The following LRRC37A2 variants were observed in gnomAD, a reference collection of about 807,000 sequenced individuals.
LRRC37A2 encodes leucine rich repeat containing 37 member A2, also known as leucine-rich repeat-containing protein 37A2.
Under a neutral mutation model 68.8 loss-of-function variants are expected in LRRC37A2, and 9 were observed. The ratio of observed to expected loss-of-function variants is 0.13; its 90% CI spans 0.08 to 0.23. The LOEUF is 0.23. LRRC37A2 is among the 10% of genes least tolerant of loss of function. LRRC37A2 has a pLI of 1.00. For synonymous variants in LRRC37A2, 63 were observed against 367.6 expected, an observed-to-expected ratio of 0.17 and a Z score of 9.48; for missense variants, 168 against 950.4, an observed-to-expected ratio of 0.18 and a Z score of 10.82.
the LRRC37A2 span, among the ~76,000 whole-genome samples, chr17:46,785,420 AGG>A: frequency 8.5e-5 from 13 of 152,214 alleles, no homozygotes; most frequent in Non-Finnish European, 1.6e-4. Flanking sequence ...TCCACGCCAT[AGG>A]AGAAAAACCC....
chr17:46,494,466 G>A, the LRRC37A2 span, among the ~76,000 whole-genome samples: 1 of 149,240 alleles, frequency 6.7e-6, no homozygotes, highest in Admixed American at 6.7e-5. Flanking sequence ...AGCAGTCATA[G>A]ACAATATGTA....
the LRRC37A2 span, among the ~76,000 whole-genome samples, chr17:46,721,119 G>A: frequency 6.6e-6 from 1 of 152,138 alleles, no homozygotes; most frequent in African/African-American, 2.4e-5. Context: ...CGCTTCTCCT[G>A]TCCCTCAGTG....
chr17:46,871,701 A>T, the LRRC37A2 span, among the ~76,000 whole-genome samples: 1 of 152,212 alleles, frequency 6.6e-6, no homozygotes, highest in South Asian at 2.1e-4. Context: ...CTAGAACATC[A>T]GCCTTAGAAT....
the LRRC37A2 span, chr17:46,933,286 A>C: frequency 6.6e-6 from 1 of 152,200 alleles, no homozygotes; most frequent in African/African-American, 2.4e-5. Flanking sequence ...TGGTCATTCT[A>C]CCATATGGAG....
chr17:46,885,468 A>T, the LRRC37A2 span: 1 of 151,800 alleles, frequency 6.6e-6, no homozygotes, highest in African/African-American at 2.5e-5. Flanking sequence ...ACGCTCAGCT[A>T]ATTTTTGTAT....
chr17:46,837,195 C>T, the LRRC37A2 span, among the ~76,000 whole-genome samples: 3 of 152,062 alleles, frequency 2.0e-5, no homozygotes, highest in Non-Finnish European at 4.4e-5. Context: ...CCCGCCGCGG[C>T]CCCCCAAAGT....
intron 6 of LRRC37A2, among the ~76,000 whole-genome samples, chr17:46,526,196 AAT>A (rs2052738770): frequency 9.1e-6 from 1 of 110,492 alleles, no homozygotes; most frequent in Non-Finnish European, 2.0e-5. Context: ...TTTGGAGTCA[AAT>A]CTTCCTGGTA....
At chr17:46,767,419 T>C in the LRRC37A2 span, among the ~76,000 whole-genome samples, 1 of 152,084 alleles carries the variant, frequency 6.6e-6, no homozygotes, top group Non-Finnish European at 1.5e-5. Flanking sequence ...GTTGGTACGA[T>C]TTATGCTTGT....
exon 10 of LRRC37A2, chr17:46,548,936 C>G (rs780524421): frequency 6.2e-7 from 1 of 1,612,422 alleles, no homozygotes; most frequent in Non-Finnish European, 8.5e-7. Context: ...AAAGCCCTAC[C>G]ACAGGTGAGA....
chr17:46,751,194 C>T, the LRRC37A2 span, among the ~76,000 whole-genome samples: 1 of 152,076 alleles, frequency 6.6e-6, no homozygotes, highest in Non-Finnish European at 1.5e-5. Flanking sequence ...CAGATTGTTC[C>T]TAGAAAAGAA....
chr17:47,033,786 G>A, the LRRC37A2 span, among the ~76,000 whole-genome samples: 1 of 152,306 alleles, frequency 6.6e-6, no homozygotes, highest in East Asian at 1.9e-4. Context: ...CTGTCCCATT[G>A]TTCTACAGCA....
the LRRC37A2 span, among the ~76,000 whole-genome samples, chr17:46,922,492 TAATAA>T: frequency 3.9e-5 from 6 of 152,204 alleles, no homozygotes; most frequent in Admixed American, 1.3e-4. Context: ...TAATAAAAAA[TAATAA>T]AATAAAGAAA....
At chr17:46,743,036 G>A in the LRRC37A2 span, among the ~76,000 whole-genome samples, 1 of 152,090 alleles carries the variant, frequency 6.6e-6, no homozygotes, top group Admixed American at 6.5e-5. Flanking sequence ...GAGGCCCCAC[G>A]CTGCCATGAG....
the LRRC37A2 span, among the ~76,000 whole-genome samples, chr17:46,894,696 T>C: frequency 6.6e-6 from 1 of 152,180 alleles, no homozygotes; most frequent in South Asian, 2.1e-4. Context: ...GCCCCCCTCC[T>C]GTGGAATGAC....
At chr17:46,406,028 T>C in the LRRC37A2 span, among the ~76,000 whole-genome samples, 2 of 117,604 alleles carry the variant, frequency 1.7e-5, no homozygotes, top group Admixed American at 8.6e-5. Context: ...GGATCTCTTA[T>C]AAAAAGATAC....
At chr17:47,036,879 G>T in the LRRC37A2 span, among the ~76,000 whole-genome samples, 2 of 137,194 alleles carry the variant, frequency 1.5e-5, no homozygotes, top group African/African-American at 2.7e-5. Flanking sequence ...AAGCCAGCTG[G>T]GATTTTGATA....
At chr17:46,931,302 C>A in the LRRC37A2 span, 2 of 750,942 alleles carry the variant, frequency 2.7e-6, no homozygotes, top group Admixed American at 3.9e-5. Context: ...TGAAAACCAA[C>A]GTACATGTTG....
chr17:46,941,411 C>T, the LRRC37A2 span: 1 of 983,112 alleles, frequency 1.0e-6, no homozygotes, highest in Admixed American at 6.2e-5. Context: ...AACTAATGGC[C>T]CCCTTTTTTT....
At chr17:47,023,390 T>C in the LRRC37A2 span, among the ~76,000 whole-genome samples, 1 of 152,232 alleles carries the variant, frequency 6.6e-6, no homozygotes. Flanking sequence ...GAGTTCTAAA[T>C]TAAAAATAAA....
Sources: allele counts gnomAD v4.1 joint callset (sites outside exome capture counted in the v4.1 genomes callset), GRCh38; gene constraint gnomAD v4.1.1; transcripts MANE v1.5; gene names NCBI Gene and HGNC (gene_info 2026-07-23, HGNC 2026-07-21).